The following UNC79 variants were observed in gnomAD, a reference collection of about 807,000 sequenced individuals.
UNC79 encodes the protein unc-79 subunit of NALCN channel complex, also known as protein unc-79 homolog.
Under a neutral mutation model 283.1 loss-of-function variants are expected in UNC79, and 37 were observed. The ratio of observed to expected loss-of-function variants is 0.13; its 90% confidence interval spans 0.10 to 0.17. UNC79 has a LOEUF of 0.17. Among genes scored for constraint, UNC79 ranks in the 10% least tolerant of loss-of-function variants. UNC79 has a pLI of 1.00. For synonymous variants in UNC79, 1,107 were observed against 1,200.2 expected (o/e 0.92, Z 1.61); for missense variants, 2,272 against 3,211.1 (o/e 0.71, Z 7.07).
At chr14:93,409,933 C>G (rs535017727) in intron 1 of UNC79, among the ~76,000 whole-genome samples, 3 of 152,272 alleles carry the variant, frequency 2.0e-5, no homozygotes, top group Non-Finnish European at 4.4e-5. Context: ...ACCAATCAGT[C>G]CCCCAATAAA....
chr14:93,492,489 G>A (rs1157430801), intron 5 of UNC79, among the ~76,000 whole-genome samples: 1 of 152,176 alleles, frequency 6.6e-6, no homozygotes, highest in African/African-American at 2.4e-5. Flanking sequence ...CAGTATGTGG[G>A]ACTACAGGCA....
At chr14:93,575,175 G>T in exon 17 of UNC79, 1 of 1,613,840 alleles carries the variant, frequency 6.2e-7, no homozygotes. Flanking sequence ...CAGTGAACTG[G>T]CAGGGAACCT....
intron 27 of UNC79, among the ~76,000 whole-genome samples, chr14:93,616,337 G>A (rs1486087851): frequency 2.7e-5 from 4 of 149,072 alleles, no homozygotes; most frequent in Non-Finnish European, 5.9e-5. Context: ...GTATTAGACG[G>A]TATATGCTTT....
chr14:93,586,407 G>C (rs2064226834), intron 20 of UNC79, among the ~76,000 whole-genome samples, 189 bp from the exon 21 acceptor site: 1 of 152,228 alleles, frequency 6.6e-6, no homozygotes, highest in Non-Finnish European at 1.5e-5. Context: ...CCTCAATTCA[G>C]AAGATTTCCT....
chr14:93,614,352 G>A (rs2066534291), intron 27 of UNC79, among the ~76,000 whole-genome samples: 1 of 151,582 alleles, frequency 6.6e-6, no homozygotes, highest in Non-Finnish European at 1.5e-5. Flanking sequence ...GAGTCTCGCT[G>A]TGTGGCCAGG....
At chr14:93,560,031 G>A (rs1489354239) in intron 14 of UNC79, among the ~76,000 whole-genome samples, 1 of 152,046 alleles carries the variant, frequency 6.6e-6, no homozygotes, top group Non-Finnish European at 1.5e-5. Flanking sequence ...TTGTGGTAAG[G>A]GGTGATATTG....
At chr14:93,559,482 A>G (rs143579746) in intron 14 of UNC79, among the ~76,000 whole-genome samples, 3,603 of 152,284 alleles carry the variant, frequency 0.024, 57 homozygotes, top group Non-Finnish European at 0.036. Context: ...GCTGAGTCCA[A>G]AAAGAGAGTC....
chr14:93,530,967 A>G (rs1437164539), intron 10 of UNC79, among the ~76,000 whole-genome samples: 1 of 152,306 alleles, frequency 6.6e-6, no homozygotes, highest in Middle Eastern at 3.4e-3. Context: ...CTGTAAAAAG[A>G]TTTGGGCTCA....
intron 41 of UNC79, among the ~76,000 whole-genome samples, chr14:93,681,693 A>G (rs1444066360): frequency 6.6e-6 from 1 of 152,232 alleles, no homozygotes; most frequent in East Asian, 1.9e-4. Flanking sequence ...TGTTAAGGCT[A>G]CTGGCCAGAG....
chr14:93,461,923 C>T (rs1245394417), intron 1 of UNC79, among the ~76,000 whole-genome samples: 1 of 146,854 alleles, frequency 6.8e-6, no homozygotes, highest in Non-Finnish European at 1.5e-5. Flanking sequence ...AGGGAAAGCA[C>T]TCTATGAAGA....
intron 1 of UNC79, among the ~76,000 whole-genome samples, chr14:93,343,144 G>T (rs1243285507): frequency 6.6e-6 from 1 of 152,078 alleles, no homozygotes; most frequent in African/African-American, 2.4e-5. Flanking sequence ...TATCTTTATA[G>T]CAGTACCCCA....
chr14:93,366,543 A>G (rs1355912974), intron 1 of UNC79, among the ~76,000 whole-genome samples: 2 of 151,258 alleles, frequency 1.3e-5, no homozygotes, highest in Admixed American at 6.6e-5. Context: ...GTAAGCAAAT[A>G]CTAAGTTCTC....
At chr14:93,615,013 A>G (rs375679626) in intron 27 of UNC79, among the ~76,000 whole-genome samples, 3 of 152,336 alleles carry the variant, frequency 2.0e-5, no homozygotes, top group African/African-American at 7.2e-5. Context: ...CAGCTGCACC[A>G]ATCTGCAAAG....
At chr14:93,669,664 G>A (rs574837967) in intron 40 of UNC79, among the ~76,000 whole-genome samples, 16 of 152,156 alleles carry the variant, frequency 1.1e-4, no homozygotes, top group African/African-American at 3.9e-4. Flanking sequence ...GGGTAACATG[G>A]CAAAACCTCG....
chr14:93,416,116 G>A (rs1438334530), intron 1 of UNC79, among the ~76,000 whole-genome samples: 2 of 141,822 alleles, frequency 1.4e-5, no homozygotes, highest in African/African-American at 2.6e-5. Flanking sequence ...TGATGTTAGG[G>A]TGTCAATTTT....
At chr14:93,434,595 G>A (rs947094047) in intron 1 of UNC79, among the ~76,000 whole-genome samples, 6 of 152,168 alleles carry the variant, frequency 3.9e-5, no homozygotes, top group African/African-American at 1.4e-4. Flanking sequence ...TCTGCTTTTG[G>A]TAACAGCAGA....
intron 1 of UNC79, among the ~76,000 whole-genome samples, chr14:93,338,017 A>G (rs1267658948): frequency 6.6e-6 from 1 of 152,090 alleles, no homozygotes; most frequent in Non-Finnish European, 1.5e-5. Context: ...GCCAGATCCC[A>G]TGCTGGCTCA....
rs1379346867 is a variant in UNC79 at position 93,662,728 on chromosome 14, C to A, written c.6636+14C>A. On this transcript the variant is annotated intron_variant, in intron 40 of 48. Coordinates refer to ENST00000555664, the Ensembl canonical transcript of UNC79. ...GCTTTCACTAAGGTAAGCAAGCTTC[C>A]ATATGTGTGTTCCTGTGAAACTGAA... The A allele has an allele frequency of 6.3e-7, 1 of 1,582,306 alleles. No homozygotes were observed. Among genetic ancestry groups the A allele is most frequent in the Admixed American group, 1.7e-5 (1 of 58,818 alleles).
At chr14:93,447,044 T>A (rs2140153745) in intron 1 of UNC79, among the ~76,000 whole-genome samples, 1 of 152,342 alleles carries the variant, frequency 6.6e-6, no homozygotes, top group East Asian at 1.9e-4. Context: ...TTCATGTGTT[T>A]GGAAGCTCTG....
Sources: gnomAD v4.1 joint callset for allele counts (sites outside exome capture counted in the v4.1 genomes callset) on GRCh38, gnomAD v4.1.1 for gene constraint, MANE v1.5 for transcripts, NCBI Gene and HGNC (gene_info 2026-07-23, HGNC 2026-07-21) for gene names.